The following SLA variants were observed in gnomAD, a reference collection of about 807,000 sequenced individuals.
SLA encodes the protein Src like adaptor.
A neutral mutation model predicts 30.3 loss-of-function variants in SLA; 16 were observed. The ratio of observed to expected loss-of-function variants is 0.53; its 90% CI spans 0.36 to 0.80. The LOEUF (loss-of-function observed/expected upper bound fraction) is 0.80, where lower values mean the gene tolerates loss of function less well. Among genes scored for constraint, SLA ranks in the 30% least tolerant of loss-of-function variants. The pLI is 0.01. For synonymous variants in SLA, 143 were observed against 137.8 expected (o/e 1.04, Z -0.26); for missense variants, 310 against 345.2 (o/e 0.90, Z 0.81).
chr8:133,085,471 T>C (rs1846376680), intron 1 of SLA, among the ~76,000 whole-genome samples: 1 of 152,198 alleles, frequency 6.6e-6, no homozygotes, highest in Admixed American at 6.5e-5. Flanking sequence ...AAGGGACTTG[T>C]ACCAAGAAAA....
chr8:133,091,373 G>A (rs1419093959), intron 1 of SLA, among the ~76,000 whole-genome samples: 1 of 152,192 alleles, frequency 6.6e-6, no homozygotes, highest in Non-Finnish European at 1.5e-5. Flanking sequence ...CGTGCCAGGA[G>A]GGAGGCGGAG....
At chr8:133,061,141 G>A (rs928509190) in intron 2 of SLA, among the ~76,000 whole-genome samples, 1 of 152,184 alleles carries the variant, frequency 6.6e-6, no homozygotes, top group African/African-American at 2.4e-5. Flanking sequence ...CTTCCAAGTA[G>A]CTGGGATTAC....
intron 3 of SLA, 48 bp downstream of exon 3, chr8:133,060,052 G>A: frequency 4.6e-6 from 7 of 1,515,820 alleles, no homozygotes; most frequent in Non-Finnish European, 6.2e-6. Context: ...TTTACCACAG[G>A]CTCTTGTAGC....
At chr8:133,045,265 C>T in intron 6 of SLA, 150 bp from the exon 7 acceptor site, 1 of 723,388 alleles carries the variant, frequency 1.4e-6, no homozygotes, top group East Asian at 2.7e-5. Context: ...CTCCACTAGA[C>T]CCTTCTCTGT....
chr8:133,050,084 T>C lies in SLA; in HGVS notation c.162-96A>G, dbSNP rs892385969. The C allele has an allele frequency of 8.3e-6, 7 of 844,560 alleles. No homozygotes were observed. The African/African-American group carries it at 1.2e-4, about 14-fold the overall frequency. 52.3% of individuals were successfully genotyped at this position (844,560 alleles called of 1,614,324 possible). Reference sequence around the variant, plus strand: ...TAATCAGATTTAACCCAGGACAGTTTGGAACATTCCTCTTTTAAGATCTGT... The same window carrying C: ...TAATCAGATTTAACCCAGGACAGTTCGGAACATTCCTCTTTTAAGATCTGT... On this transcript the variant is annotated intron_variant, in intron 4 of 8. Coordinates refer to ENST00000338087, the MANE Select transcript of SLA (RefSeq NM_001045556.3).
chr8:133,068,106 T>G (rs527236869), intron 2 of SLA, among the ~76,000 whole-genome samples: 1 of 152,268 alleles, frequency 6.6e-6, no homozygotes, highest in South Asian at 2.1e-4. Flanking sequence ...AAGCATCACT[T>G]GAAAAGTAGC....
At chr8:133,097,773 T>C (rs974183316) in intron 1 of SLA, among the ~76,000 whole-genome samples, 17 of 152,222 alleles carry the variant, frequency 1.1e-4, no homozygotes, top group African/African-American at 4.1e-4. Flanking sequence ...TGTATATATA[T>C]ACACACATGC....
Position 133,075,119 on chromosome 8 carries a change from T to C in SLA, c.-307A>G. 1 of 985,480 alleles carries C rather than the reference T, an allele frequency of 1.0e-6. No homozygotes were observed. The highest frequency in any genetic ancestry group is 1.2e-6 in the Non-Finnish European group (1 of 829,934). 61.0% of individuals were successfully genotyped at this position (985,480 alleles called of 1,614,324 possible). A position where few individuals can be genotyped will look rare whatever the true frequency, so the allele number is the denominator to read the frequency against. ...TCAGTAACCACTCTGAGCAAGCTTC[T>C]CTCTGCAAGGACTGGGAAGATAGAT... is the stretch of plus-strand genomic sequence containing the variant. On this transcript the variant is annotated 5_prime_UTR_variant, in exon 2 of 9. Coordinates refer to ENST00000338087, the MANE Select transcript of SLA (RefSeq NM_001045556.3).
At chr8:133,050,547 A>G in intron 4 of SLA, 1 of 378,360 alleles carries the variant, frequency 2.6e-6, no homozygotes, top group Non-Finnish European at 4.8e-6. Flanking sequence ...AGATAAGAAG[A>G]ATATGAGAAG....
chr8:133,087,299 C>T (rs539895325), intron 1 of SLA, among the ~76,000 whole-genome samples: 3 of 152,234 alleles, frequency 2.0e-5, no homozygotes, highest in Admixed American at 6.5e-5. Context: ...AAGCTAAGGT[C>T]GCACTGATGG....
intron 3 of SLA, among the ~76,000 whole-genome samples, chr8:133,057,899 G>C (rs1446895309): frequency 1.3e-5 from 2 of 152,182 alleles, no homozygotes; most frequent in Admixed American, 1.3e-4. Flanking sequence ...TGTCCAGGCT[G>C]GCCTCTGGGT....
intron 3 of SLA, among the ~76,000 whole-genome samples, chr8:133,057,874 A>G (rs1010946966): frequency 2.0e-5 from 3 of 151,972 alleles, no homozygotes; most frequent in Non-Finnish European, 4.4e-5. Flanking sequence ...CTCAGAAAAC[A>G]TGGTTGTCTA....
intron 1 of SLA, among the ~76,000 whole-genome samples, chr8:133,097,694 G>A (rs1226043270): frequency 1.3e-5 from 2 of 152,314 alleles, no homozygotes; most frequent in Admixed American, 6.5e-5. Context: ...TTCACAACAT[G>A]CAATTAACAT....
At chr8:133,050,746 C>G (rs1008246684) in intron 4 of SLA, 70 bp downstream of exon 4, 21 of 1,039,848 alleles carry the variant, frequency 2.0e-5, no homozygotes, top group Non-Finnish European at 2.6e-5. Flanking sequence ...AGCTAACAAT[C>G]AAATACTTTT....
intron 2 of SLA, among the ~76,000 whole-genome samples, chr8:133,072,061 C>G (rs1470603621): frequency 6.6e-6 from 1 of 152,174 alleles, no homozygotes; most frequent in Non-Finnish European, 1.5e-5. Context: ...TAAGCACAAG[C>G]CAGCAACAAT....
chr8:133,057,780 A>AAC (rs1554711743), intron 3 of SLA, among the ~76,000 whole-genome samples: 3 of 151,966 alleles, frequency 2.0e-5, no homozygotes, highest in Non-Finnish European at 2.9e-5. Context: ...AAAACAAAAA[A>AAC]AAAAAAACAA....
intron 7 of SLA, among the ~76,000 whole-genome samples, chr8:133,044,357 A>G (rs1838895543): frequency 6.6e-6 from 1 of 152,106 alleles, no homozygotes; most frequent in Non-Finnish European, 1.5e-5. Flanking sequence ...TCCCCATCTT[A>G]TCAGCCTGGG....
At chr8:133,059,365 C>T (rs1183630639) in intron 3 of SLA, among the ~76,000 whole-genome samples, 1 of 152,214 alleles carries the variant, frequency 6.6e-6, no homozygotes, top group African/African-American at 2.4e-5. Context: ...AAGGGGCCAG[C>T]ATAGCTGAGT....
At chr8:133,060,034 G>A (rs567473217) in intron 3 of SLA, 66 bp downstream of exon 3, 95 of 1,478,184 alleles carry the variant, frequency 6.4e-5, no homozygotes, top group South Asian at 2.0e-4. Flanking sequence ...ATCCACCACC[G>A]CCCAGTCTTT....
Sources: allele counts gnomAD v4.1 joint callset (sites outside exome capture counted in the v4.1 genomes callset), GRCh38; gene constraint gnomAD v4.1.1; transcripts MANE v1.5; gene names NCBI Gene and HGNC (gene_info 2026-07-23, HGNC 2026-07-21).